The following FAM151B variants were observed in gnomAD, a reference collection of about 807,000 sequenced individuals.
FAM151B encodes family with sequence similarity 151 member B, also known as protein FAM151B.
In FAM151B, 24 loss-of-function variants were observed where a neutral mutation model predicts 31.2. That is an observed-to-expected ratio of 0.77 (90% CI 0.56 to 1.08). The LOEUF (loss-of-function observed/expected upper bound fraction) is 1.08. FAM151B is among the 50% of genes least tolerant of loss of function. The pLI is 0.00. For missense variants in FAM151B, 293 were observed against 328.6 expected (o/e 0.89, Z 0.84); for synonymous variants, 105 against 111.4 (o/e 0.94, Z 0.36).
chr5:80,506,632 T>C (rs1425426357), intron 2 of FAM151B, among the ~76,000 whole-genome samples: 1 of 152,228 alleles, frequency 6.6e-6, no homozygotes, highest in Admixed American at 6.5e-5. Context: ...CAAAGTGGTA[T>C]ATTTAAACAT....
At chr5:80,541,516 G>T (rs1342191619) in intron 5 of FAM151B, among the ~76,000 whole-genome samples, 157 bp from the exon 6 acceptor site, 1 of 152,144 alleles carries the variant, frequency 6.6e-6, no homozygotes, top group African/African-American at 2.4e-5. Flanking sequence ...CTTGATGAAA[G>T]AATGAAATAT....
Position 80,513,705 on chromosome 5 carries a change from A to G in FAM151B, c.253A>G (p.Thr85Ala), listed in dbSNP as rs116061206. Residue 85 changes from threonine (T) to alanine (A), a missense_variant, in exon 3 of 6, where the codon ACT becomes GCT. Thr to Ala is a moderately conservative substitution (Grantham distance 58, BLOSUM62 0). Transcript: ENST00000282226. ...TCCCCCTGAAACAAACAGTGATAAT[A>G]CTCTACAGGAGTGGCTGACTGAAGT... Reference protein sequence around the residue: ...AHPPETNSDNTLQEWLTEVMK... With the variant: ...AHPPETNSDNALQEWLTEVMK... 382 of 1,613,974 alleles carry G rather than the reference A, an allele frequency of 2.4e-4. 2 individuals are homozygous for G. In the African/African-American group the frequency reaches 4.7e-3, roughly 20 times the overall value.
At position 80,541,793 on chromosome 5, in the gene FAM151B, T is replaced by C. The variant is rs779967842; in HGVS notation, c.792T>C (p.His264=). The change falls in exon 6 of 6, where the codon CAT becomes CAC. Residue 264 remains histidine, a synonymous_variant. Transcript: ENST00000282226. Reference sequence around the variant, plus strand: ...ATGACATCTTGGAACCACAAAACCATGAATTTAAACAAGCCATTGGAATCA... The same window carrying C: ...ATGACATCTTGGAACCACAAAACCACGAATTTAAACAAGCCATTGGAATCA... ...VFYDILEPQN[H]EFKQAIGIKV... is the part of the protein sequence containing the mutation. The C allele has an allele frequency of 5.0e-6, 8 of 1,613,392 alleles. No individual in the cohort carries two copies. Among genetic ancestry groups the C allele is most frequent in the Non-Finnish European group, 6.8e-6 (8 of 1,179,732 alleles).
At chr5:80,501,370 C>T in intron 1 of FAM151B, 1 of 1,246,954 alleles carries the variant, frequency 8.0e-7, no homozygotes, top group Non-Finnish European at 1.1e-6. Flanking sequence ...CAGGGAGGAC[C>T]AGATCAACAG....
chr5:80,499,417 G>T (rs1413831832), intron 1 of FAM151B, among the ~76,000 whole-genome samples: 1 of 152,158 alleles, frequency 6.6e-6, no homozygotes, highest in Non-Finnish European at 1.5e-5. Flanking sequence ...CACTCATATA[G>T]ATGTTGCTGA....
chr5:80,511,594 A>G (rs190884690), intron 2 of FAM151B, among the ~76,000 whole-genome samples: 31 of 151,426 alleles, frequency 2.0e-4, no homozygotes, highest in Middle Eastern at 3.4e-3. Flanking sequence ...CCACTATTTT[A>G]TTATTTATCT....
At chr5:80,510,725 T>C (rs1744146810) in intron 2 of FAM151B, 1 of 152,238 alleles carries the variant, frequency 6.6e-6, no homozygotes, top group Admixed American at 6.5e-5. Context: ...CTGATGCCTT[T>C]AACAGAAAAC....
At chr5:80,516,905 T>A (rs577434471) in intron 3 of FAM151B, among the ~76,000 whole-genome samples, 20 of 152,272 alleles carry the variant, frequency 1.3e-4, no homozygotes, top group Admixed American at 2.6e-4. Flanking sequence ...TCTAAAAGTG[T>A]TAAATGGAAA....
chr5:80,515,091 A>G (rs1744364209), intron 3 of FAM151B, among the ~76,000 whole-genome samples: 1 of 152,006 alleles, frequency 6.6e-6, no homozygotes, highest in Non-Finnish European at 1.5e-5. Context: ...AATACAGAAA[A>G]TTAGCCAGGC....
At position 80,519,801 on chromosome 5, in the gene FAM151B, C is replaced by T. The variant is rs1281060613; in HGVS notation, c.426C>T (p.Ser142=). 5.0e-6 allele frequency: 8 copies of T among 1,614,060 alleles called. No individual in the cohort carries two copies. The highest frequency in any genetic ancestry group is 6.8e-6 in the Non-Finnish European group (8 of 1,179,984). Residue 142 remains serine, a synonymous_variant, in exon 4 of 6, where the codon AGC becomes AGT. Transcript: ENST00000282226. ...ADILPGPNGN[S]KVIDAKPFLD... Reference sequence around the variant, plus strand: ...TTCTTCCTGGTCCAAATGGAAATAGCAAAGTAATAGATGCAAAACCATTTT... The same window carrying T: ...TTCTTCCTGGTCCAAATGGAAATAGTAAAGTAATAGATGCAAAACCATTTT...
chr5:80,542,558 G>C lies in FAM151B; in HGVS notation c.*726G>C, dbSNP rs759047626. On this transcript the variant is annotated 3_prime_UTR_variant, in exon 6 of 6. Transcript: ENST00000282226. ...CCTTGTTCTACTAGTAAAACTTTAT[G>C]AACTACTTTTTTCACGGCTCATTCC... The C allele has an allele frequency of 1.3e-5, 2 of 151,614 alleles. No homozygotes were observed. Among genetic ancestry groups the C allele is most frequent in the South Asian group, 4.2e-4 (2 of 4,818 alleles). The allele number at this position is 151,614 out of a possible 1,614,324, so 9.4% of individuals were successfully genotyped here.
At chr5:80,519,991 A>G in intron 4 of FAM151B, 81 bp downstream of exon 4, 1 of 1,322,898 alleles carries the variant, frequency 7.6e-7, no homozygotes, top group Admixed American at 2.1e-5. Context: ...TACAAAGACC[A>G]AAACCCATTC....
intron 1 of FAM151B, among the ~76,000 whole-genome samples, chr5:80,493,000 T>C (rs931481389): frequency 6.6e-6 from 1 of 152,128 alleles, no homozygotes; most frequent in Non-Finnish European, 1.5e-5. Flanking sequence ...TTAAGCTTAG[T>C]GAGAAAAGCA....
At position 80,541,652 on chromosome 5, in the gene FAM151B, T is replaced by G. The variant is rs367813400; in HGVS notation, c.672-21T>G. On this transcript the variant is annotated intron_variant, in intron 5 of 5. Transcript: ENST00000282226. ...CTTTCTTCCACTTTTAACTGTATAA[T>G]TCTGTTTTATTTCAATGCAGGTACA... is the stretch of plus-strand genomic sequence containing the variant. The G allele has an allele frequency of 1.4e-5, 23 of 1,609,940 alleles. No homozygotes were observed. In the South Asian group the frequency reaches 2.1e-4, roughly 15 times the overall value.
intron 2 of FAM151B, among the ~76,000 whole-genome samples, chr5:80,502,470 CA>C (rs1406348557): frequency 6.6e-6 from 1 of 152,004 alleles, no homozygotes; most frequent in Admixed American, 6.6e-5. Flanking sequence ...CATTGTATAC[CA>C]ATTTATAATT....
intron 3 of FAM151B, among the ~76,000 whole-genome samples, chr5:80,515,833 T>C (rs1164816658): frequency 2.0e-5 from 3 of 152,142 alleles, no homozygotes; most frequent in Non-Finnish European, 4.4e-5. Flanking sequence ...GCAATGGAGA[T>C]GGAGGGGCTG....
At chr5:80,531,017 T>C (rs1289419480) in intron 5 of FAM151B, among the ~76,000 whole-genome samples, 1 of 152,152 alleles carries the variant, frequency 6.6e-6, no homozygotes, top group Non-Finnish European at 1.5e-5. Flanking sequence ...CAAAACAGCA[T>C]AGTACTGGTA....
In FAM151B at chr5:80,488,480, G is replaced by A. The variant is rs985000758; in HGVS notation, c.25+332G>A. ...TAATTTCAGCCGACCGTATGGGGGC[G>A]GTCTGGGTCAGTAGGTTCCTCTTTG... On this transcript the variant is annotated intron_variant, in intron 1 of 5. Coordinates refer to ENST00000282226, the MANE Select transcript of FAM151B (RefSeq NM_205548.3). Among the ~76,000 whole-genome samples, 6 of 152,264 alleles carry A rather than the reference G, an allele frequency of 3.9e-5. No individual in the cohort carries two copies. In the East Asian group the frequency reaches 1.2e-3, roughly 29 times the overall value.
At chr5:80,501,311 C>G (rs1323839349) in intron 1 of FAM151B, 1 of 949,512 alleles carries the variant, frequency 1.1e-6, no homozygotes, top group Admixed American at 1.9e-5. Context: ...TGAGCCACCG[C>G]GCCCGGCCGA....
Sources: allele counts gnomAD v4.1 joint callset (sites outside exome capture counted in the v4.1 genomes callset), GRCh38; gene constraint gnomAD v4.1.1; transcripts MANE v1.5; gene names NCBI Gene and HGNC (gene_info 2026-07-23, HGNC 2026-07-21).